The following SLC24A2 variants were observed in gnomAD, a reference collection of about 807,000 sequenced individuals.
SLC24A2 encodes the protein solute carrier family 24 member 2, also known as sodium/potassium/calcium exchanger 2.
In SLC24A2, 36 loss-of-function variants were observed where a neutral mutation model predicts 62.0. That is an observed-to-expected ratio of 0.58 (90% CI 0.44 to 0.77). The LOEUF (loss-of-function observed/expected upper bound fraction) is 0.77. Among genes scored for constraint, SLC24A2 ranks in the 30% least tolerant of loss-of-function variants. The pLI, the probability that SLC24A2 is intolerant of heterozygous loss-of-function variation, is 0.00. For missense variants in SLC24A2, 846 were observed against 817.9 expected (o/e 1.03, Z -0.42); for synonymous variants, 358 against 294.0 (o/e 1.22, Z -2.23).
chr9:20,264,885 G>A, the SLC24A2 span, among the ~76,000 whole-genome samples: 3 of 152,208 alleles, frequency 2.0e-5, no homozygotes, highest in Non-Finnish European at 4.4e-5. Flanking sequence ...TCTAAAATGT[G>A]TAATCTCTGA....
the SLC24A2 span, among the ~76,000 whole-genome samples, chr9:19,839,791 A>G: frequency 5.3e-5 from 8 of 152,220 alleles, no homozygotes; most frequent in African/African-American, 1.9e-4. Context: ...CACATAAATG[A>G]GAGTAGTCCC....
the SLC24A2 span, among the ~76,000 whole-genome samples, chr9:20,295,167 T>C: frequency 6.6e-6 from 1 of 151,908 alleles, no homozygotes; most frequent in East Asian, 1.9e-4. Flanking sequence ...TCAAAATCCC[T>C]AAAGTCTAAA....
the SLC24A2 span, among the ~76,000 whole-genome samples, chr9:20,114,683 A>C: frequency 6.6e-6 from 1 of 152,100 alleles, no homozygotes; most frequent in Non-Finnish European, 1.5e-5. Flanking sequence ...ATGTGCTATG[A>C]ATCTCCACGC....
At chr9:20,207,963 G>C in the SLC24A2 span, among the ~76,000 whole-genome samples, 1 of 152,200 alleles carries the variant, frequency 6.6e-6, no homozygotes, top group South Asian at 2.1e-4. Flanking sequence ...GAACACCTAT[G>C]TCTAGCAAGA....
intron 2 of SLC24A2, among the ~76,000 whole-genome samples, chr9:19,699,026 T>G (rs930956740): frequency 6.6e-5 from 10 of 152,176 alleles, no homozygotes; most frequent in Admixed American, 3.3e-4. Context: ...GGCAAGTGTC[T>G]GGCTTAGAAC....
intron 5 of SLC24A2, among the ~76,000 whole-genome samples, chr9:19,583,725 G>T (rs965361624): frequency 1.3e-5 from 2 of 152,106 alleles, no homozygotes; most frequent in African/African-American, 4.8e-5. Context: ...AGAAAAATGG[G>T]GTGTACCAGG....
the SLC24A2 span, among the ~76,000 whole-genome samples, chr9:19,909,924 C>T: frequency 4.6e-5 from 7 of 152,054 alleles, no homozygotes; most frequent in African/African-American, 1.4e-4. Flanking sequence ...TTCTCTCTTC[C>T]TGCAAACATG....
the SLC24A2 span, among the ~76,000 whole-genome samples, chr9:20,156,820 G>T: frequency 6.6e-6 from 1 of 151,590 alleles, no homozygotes; most frequent in Non-Finnish European, 1.5e-5. Flanking sequence ...CCATTTAAAG[G>T]TAATTATTGC....
the SLC24A2 span, among the ~76,000 whole-genome samples, chr9:20,098,183 A>T: frequency 6.6e-6 from 1 of 152,354 alleles, no homozygotes; most frequent in Non-Finnish European, 1.5e-5. Context: ...AACAGATATG[A>T]CTAATAACTG....
chr9:20,065,871 A>G, the SLC24A2 span, among the ~76,000 whole-genome samples: 3 of 152,146 alleles, frequency 2.0e-5, no homozygotes, highest in African/African-American at 7.2e-5. Context: ...TTGTTTCTGG[A>G]TGATAATAAG....
chr9:20,297,707 G>A, the SLC24A2 span, among the ~76,000 whole-genome samples: 2 of 152,188 alleles, frequency 1.3e-5, no homozygotes, highest in Non-Finnish European at 2.9e-5. Context: ...ATCCGTGGGC[G>A]CTTCCTTGAG....
chr9:20,221,540 A>G, the SLC24A2 span, among the ~76,000 whole-genome samples: 21 of 151,874 alleles, frequency 1.4e-4, no homozygotes, highest in African/African-American at 4.6e-4. Flanking sequence ...AAAGGGAAGG[A>G]GAAAAGAAAG....
rs965465826 is a variant in SLC24A2, at chr9:19,576,991, G to C, written c.1161C>G (p.His387Gln). Residue 387 changes from histidine to glutamine, a missense_variant, in exon 6 of 11, where the codon CAC (histidine) becomes CAG (glutamine). Transcript: ENST00000341998. ...GRFREKASIL[H>Q]KIAKKKCHVD... is the part of the protein sequence containing the mutation. ...CATGACATTTCTTCTTGGCGATCTTGTGGAGAATTGAAGCCTTTTCTCTGA... is the reference window on the plus strand; with the variant it reads ...CATGACATTTCTTCTTGGCGATCTTCTGGAGAATTGAAGCCTTTTCTCTGA... The C allele has an allele frequency of 1.2e-6, 2 of 1,614,142 alleles. No homozygotes were observed. Among genetic ancestry groups the C allele is most frequent in the Admixed American group, 3.3e-5 (2 of 60,020 alleles).
rs576439596 is a variant in SLC24A2, at chr9:19,532,763, A to G, written c.1480-4625T>C. 2.0e-5 allele frequency among the ~76,000 whole-genome samples: 3 copies of G among 152,320 alleles called. No homozygotes were observed. In the East Asian group the frequency reaches 5.8e-4, roughly 29 times the overall value. ...TTAGACCTTGCTTGGCACATAGTAG[A>G]CACTGAATAGATACTTGATGAATCA... On this transcript the variant is annotated intron_variant, in intron 8 of 10. Coordinates refer to ENST00000341998, the MANE Select transcript of SLC24A2 (RefSeq NM_020344.4).
In SLC24A2 at chr9:19,528,117, T is replaced by A; in HGVS notation, c.1501A>T (p.Ile501Phe). 6.3e-7 allele frequency: 1 copy of A among 1,593,392 alleles called. No individual in the cohort carries two copies. Among genetic ancestry groups the A allele is most frequent in the South Asian group, 1.1e-5 (1 of 87,302 alleles). Reference protein sequence around the residue: ...RKPSSRKFFPITFFGSITWIA... With the variant: ...RKPSSRKFFPFTFFGSITWIA... Reference sequence around the variant, plus strand: ...CAGGTAATGGAGCCAAAGAACGTGATGGGAAAAAACTTCCTCGATGACTGA... The same window carrying A: ...CAGGTAATGGAGCCAAAGAACGTGAAGGGAAAAAACTTCCTCGATGACTGA... Residue 501 changes from isoleucine to phenylalanine, a missense_variant, in exon 9 of 11, where the codon ATC becomes TTC. Ile to Phe is a conservative substitution (Grantham distance 21). Transcript: ENST00000341998.
the SLC24A2 span, among the ~76,000 whole-genome samples, chr9:19,877,363 A>T: frequency 7.1e-6 from 1 of 141,422 alleles, no homozygotes; most frequent in Admixed American, 6.9e-5. Flanking sequence ...TCTGTAGGCT[A>T]AACTATGGAG....
At position 19,576,968 on chromosome 9, in the gene SLC24A2, T is replaced by A; in HGVS notation, c.1184A>T (p.His395Leu). 6.2e-7 allele frequency: 1 copy of A among 1,614,114 alleles called. No homozygotes were observed. The highest frequency in any genetic ancestry group is 8.5e-7 in the Non-Finnish European group (1 of 1,179,956). Residue 395 changes from histidine (H) to leucine (L), a missense_variant, in exon 6 of 11, where the codon CAT becomes CTT. Physicochemically the swap from His to Leu is moderately conservative, Grantham distance 99. Transcript: ENST00000341998. ...ILHKIAKKKC[H>L]VDENERQNGA... Reference sequence around the variant, plus strand: ...ATTCTGCCTCTCGTTCTCATCCACATGACATTTCTTCTTGGCGATCTTGTG... The same window carrying A: ...ATTCTGCCTCTCGTTCTCATCCACAAGACATTTCTTCTTGGCGATCTTGTG...
chr9:19,950,861 G>A, the SLC24A2 span, among the ~76,000 whole-genome samples: 21 of 151,956 alleles, frequency 1.4e-4, no homozygotes, highest in Middle Eastern at 3.4e-3. Context: ...GAAACATCCC[G>A]GAGCCTATGA....
chr9:19,989,420 G>C, the SLC24A2 span, among the ~76,000 whole-genome samples: 2 of 152,098 alleles, frequency 1.3e-5, no homozygotes, highest in Non-Finnish European at 2.9e-5. Context: ...AAAAACATGA[G>C]TGCACTACTA....
Sources: allele counts gnomAD v4.1 joint callset (sites outside exome capture counted in the v4.1 genomes callset), GRCh38; gene constraint gnomAD v4.1.1; transcripts MANE v1.5; gene names NCBI Gene and HGNC (gene_info 2026-07-23, HGNC 2026-07-21).